EYS: variants seen among roughly 807,000 people sequenced by gnomAD.
EYS encodes protein eyes shut homolog.
EYS carries 250 observed loss-of-function variants against 282.1 expected under a neutral mutation model. The observed-to-expected ratio is 0.89, with a 90% CI of 0.80 to 0.98. EYS has a LOEUF of 0.98. EYS is among the 50% of genes least tolerant of loss of function. The probability of loss-of-function intolerance (pLI) is 0.00; values close to 1 mark genes in which losing one functional copy is unlikely to be tolerated. For missense variants in EYS, 4,016 were observed against 3,709.0 expected (o/e 1.08, Z -2.15); for synonymous variants, 1,355 against 1,282.9 (o/e 1.06, Z -1.20).
intron 11 of EYS, among the ~76,000 whole-genome samples, chr6:65,296,730 A>C (rs537419030): frequency 7.9e-5 from 12 of 152,010 alleles, no homozygotes; most frequent in African/African-American, 2.9e-4. Flanking sequence ...ATACATTTTT[A>C]ATGAATTTGC....
chr6:65,508,999 C>A (rs1766765924), intron 2 of EYS, among the ~76,000 whole-genome samples: 1 of 152,162 alleles, frequency 6.6e-6, no homozygotes, highest in South Asian at 2.1e-4. Context: ...CGGGGAGATT[C>A]TCCCTCACAC....
intron 30 of EYS, among the ~76,000 whole-genome samples, chr6:64,248,613 A>G (rs1187500152): frequency 1.3e-5 from 2 of 152,212 alleles, no homozygotes; most frequent in Non-Finnish European, 2.9e-5. Context: ...GGGAAAAGGT[A>G]ACTTTTATAC....
At chr6:65,071,362 AG>A (rs1773897824) in intron 12 of EYS, among the ~76,000 whole-genome samples, 1 of 151,918 alleles carries the variant, frequency 6.6e-6, no homozygotes, top group African/African-American at 2.4e-5. Context: ...ATGCACTTAA[AG>A]TAAAAATACA....
chr6:64,828,012 TATATC>T (rs1765107371), intron 19 of EYS, among the ~76,000 whole-genome samples: 1 of 149,790 alleles, frequency 6.7e-6, no homozygotes, highest in Admixed American at 6.7e-5. Context: ...TGTTAAAAAA[TATATC>T]ATAAAAGGTG....
intron 5 of EYS, among the ~76,000 whole-genome samples, chr6:65,417,161 T>C (rs894454982): frequency 1.3e-5 from 2 of 151,994 alleles, no homozygotes; most frequent in African/African-American, 4.8e-5. Flanking sequence ...TAGTATTCAT[T>C]GTAAAGTTGT....
At chr6:65,124,287 T>A (rs1775655524) in intron 12 of EYS, among the ~76,000 whole-genome samples, 1 of 152,208 alleles carries the variant, frequency 6.6e-6, no homozygotes, top group Non-Finnish European at 1.5e-5. Context: ...GAGCTTGATG[T>A]TCGCTTTGTC....
intron 5 of EYS, among the ~76,000 whole-genome samples, chr6:65,460,632 G>A (rs973388586): frequency 2.0e-5 from 3 of 152,042 alleles, no homozygotes; most frequent in East Asian, 1.9e-4. Flanking sequence ...GCCAGCTTTA[G>A]TTTACTCAGC....
At chr6:65,038,005 T>C (rs946955908) in intron 13 of EYS, among the ~76,000 whole-genome samples, 1 of 151,608 alleles carries the variant, frequency 6.6e-6, no homozygotes, top group African/African-American at 2.4e-5. Flanking sequence ...TTCATTAATT[T>C]CAACAATATC....
intron 31 of EYS, among the ~76,000 whole-genome samples, chr6:64,170,369 G>C (rs887118527): frequency 1.3e-4 from 20 of 152,026 alleles, no homozygotes; most frequent in African/African-American, 4.8e-4. Flanking sequence ...CCACAACGTG[G>C]GTGGTTTAAA....
intron 2 of EYS, among the ~76,000 whole-genome samples, chr6:65,567,514 A>G (rs1462058421): frequency 6.6e-6 from 1 of 151,948 alleles, no homozygotes; most frequent in Non-Finnish European, 1.5e-5. Context: ...AGCTTTTTAA[A>G]TAAGGCCAGA....
At chr6:65,565,336 CAT>C (rs1769230737) in intron 2 of EYS, among the ~76,000 whole-genome samples, 1 of 142,612 alleles carries the variant, frequency 7.0e-6, no homozygotes, top group Non-Finnish European at 1.6e-5. Flanking sequence ...GGCCAACAAA[CAT>C]ATGAAAAAAA....
chr6:63,735,380 A>G (rs957735604), intron 41 of EYS, among the ~76,000 whole-genome samples: 3 of 151,704 alleles, frequency 2.0e-5, no homozygotes, highest in African/African-American at 7.3e-5. Flanking sequence ...AACAAAAAGA[A>G]CTCTCATCTC....
At chr6:64,349,747 T>C (rs1021738648) in intron 29 of EYS, among the ~76,000 whole-genome samples, 1 of 151,524 alleles carries the variant, frequency 6.6e-6, no homozygotes, top group Admixed American at 6.6e-5. Context: ...GTTAATGCCC[T>C]ATTGATAGTT....
intron 24 of EYS, among the ~76,000 whole-genome samples, chr6:64,612,941 G>A (rs1200203168): frequency 6.6e-6 from 1 of 152,046 alleles, no homozygotes; most frequent in Non-Finnish European, 1.5e-5. Context: ...AAGTTCAGGT[G>A]AACATAAAAG....
chr6:64,612,344 T>G (rs1172288027), intron 24 of EYS, among the ~76,000 whole-genome samples: 1 of 152,132 alleles, frequency 6.6e-6, no homozygotes, highest in South Asian at 2.1e-4. Flanking sequence ...GGTTAATGCA[T>G]GGAGATCAAT....
chr6:64,023,818 G>A (rs1769322805), intron 33 of EYS, among the ~76,000 whole-genome samples: 1 of 152,222 alleles, frequency 6.6e-6, no homozygotes, highest in South Asian at 2.1e-4. Flanking sequence ...CGCGGTGTTT[G>A]CGGGCCAGCG....
At chr6:65,441,743 T>C (rs1208156737) in intron 5 of EYS, among the ~76,000 whole-genome samples, 1 of 152,038 alleles carries the variant, frequency 6.6e-6, no homozygotes, top group Non-Finnish European at 1.5e-5. Context: ...CTGTAGAACT[T>C]GAAGGGACTA....
At chr6:65,523,084 T>C (rs1036252940) in intron 2 of EYS, among the ~76,000 whole-genome samples, 1 of 152,144 alleles carries the variant, frequency 6.6e-6, no homozygotes, top group African/African-American at 2.4e-5. Flanking sequence ...AAAACACTTG[T>C]TGTCATGACA....
At chr6:64,760,334 T>G (rs1351013937) in intron 22 of EYS, among the ~76,000 whole-genome samples, 1 of 152,122 alleles carries the variant, frequency 6.6e-6, no homozygotes, top group Non-Finnish European at 1.5e-5. Flanking sequence ...TTGACTAATA[T>G]GTTCCCGGTT....
Sources: gnomAD v4.1 joint callset for allele counts (sites outside exome capture counted in the v4.1 genomes callset) on GRCh38, gnomAD v4.1.1 for gene constraint, MANE v1.5 for transcripts, NCBI Gene and HGNC (gene_info 2026-07-23, HGNC 2026-07-21) for gene names.